AGBL1: variants seen among roughly 807,000 people sequenced by gnomAD.
AGBL1 encodes cytosolic carboxypeptidase 4.
AGBL1 carries 130 observed loss-of-function variants against 118.9 expected under a neutral mutation model. The ratio of observed to expected loss-of-function variants is 1.09; its 90% CI spans 0.95 to 1.26. The LOEUF is 1.26. AGBL1 is among the 50% of genes most tolerant of loss of function. The pLI, the probability that AGBL1 is intolerant of heterozygous loss-of-function variation, is 0.00. For missense variants in AGBL1, 1,584 were observed against 1,298.1 expected (o/e 1.22, Z -3.38); for synonymous variants, 555 against 478.9 (o/e 1.16, Z -2.08).
intron 22 of AGBL1, among the ~76,000 whole-genome samples, chr15:86,814,709 C>G (rs923226996): frequency 6.6e-6 from 1 of 152,128 alleles, no homozygotes; most frequent in East Asian, 1.9e-4. Context: ...GGCCAACATC[C>G]AGGGAAAGGT....
At chr15:86,973,892 C>CAT (rs58678588) in intron 23 of AGBL1, among the ~76,000 whole-genome samples, 2,856 of 133,028 alleles carry the variant, frequency 0.021, 70 homozygotes, top group Non-Finnish European at 0.029. Flanking sequence ...TGAATATATA[C>CAT]ATATATATAT....
chr15:86,606,133 A>AAAAAAAAAAAAC (rs2084574025), intron 21 of AGBL1, among the ~76,000 whole-genome samples: 1 of 151,184 alleles, frequency 6.6e-6, no homozygotes, highest in Non-Finnish European at 1.5e-5. Context: ...TCTCAAAAAA[A>AAAAAAAAAAAAC]AAAAAAAAAA....
At chr15:86,580,773 C>A (rs1236177139) in intron 21 of AGBL1, among the ~76,000 whole-genome samples, 1 of 152,120 alleles carries the variant, frequency 6.6e-6, no homozygotes, top group Non-Finnish European at 1.5e-5. Context: ...ACTATATTCA[C>A]CCTATAGTGC....
rs899794749 is a variant in AGBL1, at chr15:86,865,417, T to C, written c.3159-41670T>C. Among the ~76,000 whole-genome samples the C allele has an allele frequency of 3.9e-5, 6 of 152,198 alleles. No individual in the cohort carries two copies. The East Asian group carries it at 1.2e-3, about 29-fold the overall frequency. The stretch of plus-strand genomic sequence containing the variant: ...GACAACATTTTGGAGGTACCCTTTG[T>C]TGAAACTGAGCACTTCAGAAACACA... On this transcript the variant is annotated intron_variant, in intron 22 of 22. Coordinates refer to ENST00000614907, the MANE Select transcript of AGBL1 (RefSeq NM_001386094.1).
chr15:86,250,753 C>A (rs1039218161), intron 7 of AGBL1, among the ~76,000 whole-genome samples: 2 of 152,086 alleles, frequency 1.3e-5, no homozygotes, highest in Middle Eastern at 3.2e-3. Context: ...GCCTCCCAGA[C>A]CTCAGGTGAG....
At chr15:86,351,720 A>T (rs2080629671) in intron 17 of AGBL1, among the ~76,000 whole-genome samples, 1 of 152,152 alleles carries the variant, frequency 6.6e-6, no homozygotes, top group African/African-American at 2.4e-5. Flanking sequence ...TCAAATATAA[A>T]ATATATTTCT....
intron 22 of AGBL1, among the ~76,000 whole-genome samples, chr15:86,782,480 C>G (rs1306122192): frequency 3.3e-4 from 50 of 152,138 alleles, no homozygotes; most frequent in Admixed American, 3.2e-3. Flanking sequence ...GTAATCTGCT[C>G]TAATCTTATT....
In AGBL1 at chr15:86,606,897, A is replaced by C. The variant is rs1022044226; in HGVS notation, c.2994+52360A>C. Among the ~76,000 whole-genome samples the C allele has an allele frequency of 7.9e-5, 12 of 152,232 alleles. No homozygotes were observed. In the South Asian group the frequency reaches 2.5e-3, roughly 32 times the overall value. On this transcript the variant is annotated intron_variant, in intron 21 of 22. Transcript: ENST00000614907. ...ATGGTTTTGACAAATGTATAATTACATGTATCCTATGTTGTAGTGTCATAT... is the reference window on the plus strand; with the variant it reads ...ATGGTTTTGACAAATGTATAATTACCTGTATCCTATGTTGTAGTGTCATAT...
At chr15:86,406,960 T>C (rs1307400578) in intron 18 of AGBL1, among the ~76,000 whole-genome samples, 10 of 152,168 alleles carry the variant, frequency 6.6e-5, no homozygotes, top group Non-Finnish European at 1.0e-4. Flanking sequence ...ATTTTTAAAG[T>C]AGTCAATTGA....
At chr15:86,208,556 A>G (rs1335018836) in intron 5 of AGBL1, among the ~76,000 whole-genome samples, 2 of 152,154 alleles carry the variant, frequency 1.3e-5, no homozygotes, top group Admixed American at 1.3e-4. Context: ...GGGAGGGTGC[A>G]TATGTCCAGG....
intron 18 of AGBL1, among the ~76,000 whole-genome samples, chr15:86,463,666 A>G (rs2082361613): frequency 6.6e-6 from 1 of 152,172 alleles, no homozygotes. Flanking sequence ...ATAGCTAGTG[A>G]GTTTTCCCAA....
intron 22 of AGBL1, among the ~76,000 whole-genome samples, chr15:86,690,805 A>G (rs1174327974): frequency 1.3e-5 from 2 of 152,098 alleles, no homozygotes; most frequent in Non-Finnish European, 2.9e-5. Context: ...GTACTGTCCA[A>G]TAGCATGGGT....
intron 22 of AGBL1, 129 bp downstream of exon 22, chr15:86,674,565 A>G (rs969553086): frequency 2.9e-5 from 27 of 932,748 alleles, no homozygotes; most frequent in Admixed American, 1.2e-4. Flanking sequence ...TCCCAAGTAA[A>G]GGTAGGTACA....
At chr15:86,722,627 C>G (rs1401467458) in intron 22 of AGBL1, among the ~76,000 whole-genome samples, 2 of 152,162 alleles carry the variant, frequency 1.3e-5, no homozygotes, top group East Asian at 1.9e-4. Flanking sequence ...ACACCAAAAG[C>G]AATGGCAACA....
intron 24 of AGBL1, among the ~76,000 whole-genome samples, chr15:87,012,510 TCA>T (rs1455929450): frequency 6.6e-6 from 1 of 152,076 alleles, no homozygotes; most frequent in South Asian, 2.1e-4. Flanking sequence ...AGGAAATTGT[TCA>T]CAGTCACCTG....
chr15:86,825,930 T>C (rs868552939), intron 22 of AGBL1, among the ~76,000 whole-genome samples: 1 of 118,026 alleles, frequency 8.5e-6, no homozygotes, highest in African/African-American at 3.0e-5. Flanking sequence ...GATAGATAGA[T>C]AGATAGACAG....
In AGBL1 at chr15:86,272,260, A is replaced by T. The variant is rs575996853; in HGVS notation, c.2075+554A>T. Among the ~76,000 whole-genome samples the T allele has an allele frequency of 5.9e-5, 9 of 152,336 alleles. 1 individual carries two copies. The South Asian group carries it at 1.7e-3, about 28-fold the overall frequency. ...GCCAGTTTCATCAGTTTATCCTGCA[A>T]AGTTATAATGAACTTTAAATTGTCC... On this transcript the variant is annotated intron_variant, in intron 15 of 22. Coordinates refer to ENST00000614907, the MANE Select transcript of AGBL1 (RefSeq NM_001386094.1).
chr15:86,804,189 T>C (rs186149451), intron 22 of AGBL1, among the ~76,000 whole-genome samples: 13 of 152,248 alleles, frequency 8.5e-5, no homozygotes, highest in East Asian at 1.9e-4. Flanking sequence ...ATAAATTTCA[T>C]TGGAATTCAT....
At chr15:86,129,511 G>A (rs942518423) in intron 1 of AGBL1, among the ~76,000 whole-genome samples, 5 of 152,250 alleles carry the variant, frequency 3.3e-5, no homozygotes, top group East Asian at 1.9e-4. Context: ...TAGGTTTACC[G>A]GGAGGAATAG....
Sources: gnomAD v4.1 joint callset for allele counts (sites outside exome capture counted in the v4.1 genomes callset) on GRCh38, gnomAD v4.1.1 for gene constraint, MANE v1.5 for transcripts, NCBI Gene and HGNC (gene_info 2026-07-23, HGNC 2026-07-21) for gene names.